FAT2: variants seen among roughly 807,000 people sequenced by gnomAD.
FAT2 encodes protocadherin Fat 2.
In FAT2, 150 loss-of-function variants were observed where a neutral mutation model predicts 295.3. The observed-to-expected ratio is 0.51, with a 90% CI of 0.44 to 0.58. The LOEUF (loss-of-function observed/expected upper bound fraction) is 0.58. Ranked by LOEUF, FAT2 falls within the 20% of genes least tolerant of loss-of-function variation. The probability of loss-of-function intolerance (pLI) is 0.00; values close to 1 mark genes in which losing one functional copy is unlikely to be tolerated. For synonymous variants in FAT2, 2,026 were observed against 2,150.3 expected, an observed-to-expected ratio of 0.94 and a Z score of 1.60; for missense variants, 4,868 against 5,442.7, an observed-to-expected ratio of 0.89 and a Z score of 3.32.
rs76985882 is a variant in FAT2, at chr5:151,520,084, A to G, written c.11317+1192T>C. 2.0e-5 allele frequency among the ~76,000 whole-genome samples: 3 copies of G among 152,366 alleles called. No individual in the cohort carries two copies. In the East Asian group the frequency reaches 5.8e-4, roughly 29 times the overall value. On this transcript the variant is annotated intron_variant, in intron 19 of 23. Transcript: ENST00000261800. ...CACAGAGAAGGAAATCCTCTCCCCA[A>G]CAGAGAGAAGCCCACCCAGCCTAAA...
At chr5:151,587,141 C>CA (rs1319616030) in intron 1 of FAT2, among the ~76,000 whole-genome samples, 3 of 142,540 alleles carry the variant, frequency 2.1e-5, no homozygotes, top group Admixed American at 7.0e-5. Context: ...GGCTCCGTCT[C>CA]AAAAAAACAA....
In FAT2 at chr5:151,568,717, C is replaced by T. The variant is rs371264512; in HGVS notation, c.215G>A (p.Arg72Gln). ...ATTGGCCACATCCCCAGAGATGATC[C>T]GGTACCTCACTGCCCACTGTGGCTC... is the stretch of plus-strand genomic sequence containing the variant. ...LAEPQWAVRY[R>Q]IISGDVANVF... Residue 72 changes from arginine to glutamine, a missense_variant, in exon 2 of 24, where the codon CGG (arginine) becomes CAG (glutamine). Physicochemically the swap from Arg to Gln is conservative, Grantham distance 43. Coordinates refer to ENST00000261800, the MANE Select transcript of FAT2 (RefSeq NM_001447.3). 2.4e-5 allele frequency: 39 copies of T among 1,614,040 alleles called. 1 individual carries two copies. The East Asian group carries it at 2.7e-4, about 11-fold the overall frequency.
upstream of FAT2, among the ~76,000 whole-genome samples, chr5:151,594,177 G>A (rs116186880): frequency 5.9e-4 from 90 of 152,280 alleles, no homozygotes; most frequent in African/African-American, 2.1e-3. Context: ...CACTGGTCTA[G>A]ACTCAGCTAA....
upstream of FAT2, among the ~76,000 whole-genome samples, chr5:151,594,709 T>C (rs1429036824): frequency 6.6e-6 from 1 of 152,168 alleles, no homozygotes; most frequent in African/African-American, 2.4e-5. Context: ...CTCCTGGACT[T>C]TTCTTTCTAG....
chr5:151,558,390 C>A (rs141598530), intron 3 of FAT2, among the ~76,000 whole-genome samples: 1 of 152,100 alleles, frequency 6.6e-6, no homozygotes, highest in Admixed American at 6.5e-5. Context: ...CCGAAGCGGG[C>A]GGATCACCTG....
intron 1 of FAT2, among the ~76,000 whole-genome samples, chr5:151,586,317 C>T (rs2127663878): frequency 6.6e-6 from 1 of 152,360 alleles, no homozygotes; most frequent in Middle Eastern, 3.4e-3. Context: ...CCTCTGTGAG[C>T]TCCCTGCCCC....
At chr5:151,589,233 C>G (rs1038576135) in intron 1 of FAT2, among the ~76,000 whole-genome samples, 61 of 152,264 alleles carry the variant, frequency 4.0e-4, no homozygotes, top group African/African-American at 1.4e-3. Flanking sequence ...CTCCATCTCC[C>G]CCCAGACACA....
At chr5:151,524,998 T>C (rs1753842114) in intron 18 of FAT2, among the ~76,000 whole-genome samples, 1 of 152,228 alleles carries the variant, frequency 6.6e-6, no homozygotes, top group African/African-American at 2.4e-5. Flanking sequence ...ATCTCCATGA[T>C]TACAATGGAA....
At chr5:151,538,361 G>C (rs894404990) in intron 11 of FAT2, among the ~76,000 whole-genome samples, 2 of 152,192 alleles carry the variant, frequency 1.3e-5, no homozygotes, top group Non-Finnish European at 2.9e-5. Context: ...GAAGGTGTCA[G>C]GTCAACCTCC....
rs1369761051 is a variant in FAT2, at chr5:151,565,800, G to A, written c.3132C>T (p.Asn1044=). 7 of 1,614,036 alleles carry A rather than the reference G, an allele frequency of 4.3e-6. No homozygotes were observed. Among genetic ancestry groups the A allele is most frequent in the Non-Finnish European group, 5.9e-6 (7 of 1,180,030 alleles). Reference sequence around the variant, plus strand: ...CAATCACCTGAGTTCCCGAGGGGCTGTTCTCCTGCACCTGGCCCTGGTGCA... The same window carrying A: ...CAATCACCTGAGTTCCCGAGGGGCTATTCTCCTGCACCTGGCCCTGGTGCA... ...SFVHQGQVQE[N]SPSGTQVIVV... The change falls in exon 2 of 24, where the codon AAC becomes AAT. Residue 1044 remains asparagine (N), a synonymous_variant. Transcript: ENST00000261800.
At chr5:151,564,457 G>C (rs1483087074) in intron 2 of FAT2, among the ~76,000 whole-genome samples, 1 of 152,216 alleles carries the variant, frequency 6.6e-6, no homozygotes, top group Non-Finnish European at 1.5e-5. Flanking sequence ...TTTTCTTTCA[G>C]TGGCTGGCAT....
intron 9 of FAT2, among the ~76,000 whole-genome samples, chr5:151,547,631 A>C (rs759417231): frequency 2.0e-5 from 3 of 152,210 alleles, no homozygotes; most frequent in Non-Finnish European, 4.4e-5. Context: ...TTGTCATATA[A>C]CCGCTAAATT....
intron 1 of FAT2, among the ~76,000 whole-genome samples, chr5:151,569,589 C>T (rs1758443266): frequency 6.6e-6 from 1 of 152,104 alleles, no homozygotes; most frequent in African/African-American, 2.4e-5. Context: ...GTTGAGAAAC[C>T]CCGTGGCTGA....
chr5:151,554,213 T>C (rs1320740943), intron 5 of FAT2, 149 bp downstream of exon 5: 4 of 720,410 alleles, frequency 5.6e-6, no homozygotes, highest in Non-Finnish European at 9.0e-6. Flanking sequence ...TGGCTGAAGC[T>C]GAGACTCCCA....
chr5:151,564,365 CAAGT>C, intron 2 of FAT2, among the ~76,000 whole-genome samples: 1 of 152,324 alleles, frequency 6.6e-6, no homozygotes, highest in East Asian at 1.9e-4. Flanking sequence ...GATCATGTAG[CAAGT>C]ATGTGGAAGA....
intron 11 of FAT2, 56 bp from the exon 12 acceptor site, chr5:151,538,002 A>G (rs1755647726): frequency 6.6e-7 from 1 of 1,524,344 alleles, no homozygotes; most frequent in Non-Finnish European, 9.0e-7. Context: ...TCAGATCCAG[A>G]GAGAAGCAGA....
rs1753424422 is a variant in FAT2, at chr5:151,521,277, A to G, written c.11316T>C (p.Asn3772=). ...CCCTAGGGAAGATGTAGTACTTACC[A>G]TTGCAGGAGCAGCTCCTCTGCAGGT... The part of the protein sequence containing the change: ...RHHLQRSCSC[N]GTATRFSGQS... The change falls in exon 19 of 24, where the codon AAT becomes AAC. Residue 3772 remains asparagine, a splice_region_variant and synonymous_variant. Transcript: ENST00000261800. 6.2e-7 allele frequency: 1 copy of G among 1,603,818 alleles called. No individual in the cohort carries two copies. The highest frequency in any genetic ancestry group is 1.1e-5 in the South Asian group (1 of 89,772).
intron 10 of FAT2, among the ~76,000 whole-genome samples, chr5:151,541,991 C>CTTTTGT (rs1561847662): frequency 6.6e-6 from 1 of 152,224 alleles, no homozygotes. Context: ...AGACAACTGA[C>CTTTTGT]AGCAGTTAGA....
upstream of FAT2, among the ~76,000 whole-genome samples, chr5:151,592,436 C>CT (rs1301340750): frequency 2.0e-5 from 3 of 152,176 alleles, no homozygotes; most frequent in South Asian, 4.2e-4. Context: ...CCCCTCCCTC[C>CT]CCCCAGGTCT....
Sources: allele counts gnomAD v4.1 joint callset (sites outside exome capture counted in the v4.1 genomes callset), GRCh38; gene constraint gnomAD v4.1.1; transcripts MANE v1.5; gene names NCBI Gene and HGNC (gene_info 2026-07-23, HGNC 2026-07-21).